The following DLG2 variants were observed in gnomAD, a reference collection of about 807,000 sequenced individuals.
DLG2 encodes the protein discs large MAGUK scaffold protein 2, also known as disks large homolog 2.
DLG2 carries 45 observed loss-of-function variants against 132.5 expected under a neutral mutation model. The ratio of observed to expected loss-of-function variants is 0.34; its 90% CI spans 0.27 to 0.44. DLG2 has a LOEUF of 0.44. Ranked by LOEUF, DLG2 falls within the 20% of genes least tolerant of loss-of-function variation. The pLI, the probability that DLG2 is intolerant of heterozygous loss-of-function variation, is 1.00. For synonymous variants in DLG2, 424 were observed against 419.6 expected (o/e 1.01, Z -0.13); for missense variants, 1,045 against 1,196.9 (o/e 0.87, Z 1.87).
At chr11:84,367,282 G>T (rs942628156) in intron 7 of DLG2, among the ~76,000 whole-genome samples, 1 of 152,120 alleles carries the variant, frequency 6.6e-6, no homozygotes, top group Non-Finnish European at 1.5e-5. Flanking sequence ...GGCTTTGCAA[G>T]CCATGTGATC....
chr11:84,938,007 G>C (rs1422630055), intron 6 of DLG2, among the ~76,000 whole-genome samples: 1 of 152,152 alleles, frequency 6.6e-6, no homozygotes, highest in Admixed American at 6.5e-5. Flanking sequence ...ATCCAAGTCA[G>C]CTCAGTCCTC....
chr11:83,794,437 G>GTTTTTTTTTTTTTTTTTTTTTTTTTTTT (rs200672667), intron 17 of DLG2, among the ~76,000 whole-genome samples: 1 of 127,498 alleles, frequency 7.8e-6, no homozygotes, highest in Non-Finnish European at 1.7e-5. Context: ...TTTACTATTG[G>GTTTTTTTTTTTTTTTTTTTTTTTTTTTT]TTTTTTTTTT....
At chr11:84,079,108 G>A (rs548109855) in intron 10 of DLG2, among the ~76,000 whole-genome samples, 2 of 152,168 alleles carry the variant, frequency 1.3e-5, no homozygotes, top group East Asian at 1.9e-4. Flanking sequence ...TTATTTGAAG[G>A]AATACCACTT....
chr11:83,952,847 A>T (rs1204865575), intron 14 of DLG2, among the ~76,000 whole-genome samples: 3 of 152,142 alleles, frequency 2.0e-5, no homozygotes, highest in African/African-American at 7.2e-5. Flanking sequence ...TTTTTATTTT[A>T]CAGTTTTTCT....
intron 18 of DLG2, among the ~76,000 whole-genome samples, chr11:83,720,054 A>G (rs963685873): frequency 6.6e-6 from 1 of 152,030 alleles, no homozygotes; most frequent in Non-Finnish European, 1.5e-5. Flanking sequence ...GCACTTTGGG[A>G]GGCCGAGGTG....
At chr11:83,753,802 C>CAG (rs1359406706) in intron 18 of DLG2, among the ~76,000 whole-genome samples, 1 of 111,406 alleles carries the variant, frequency 9.0e-6, no homozygotes, top group East Asian at 2.3e-4. Flanking sequence ...TATGATATAT[C>CAG]ATATATATCA....
chr11:85,619,849 A>G (rs2081582533), intron 2 of DLG2, among the ~76,000 whole-genome samples: 1 of 152,178 alleles, frequency 6.6e-6, no homozygotes. Context: ...AAAAAAGACA[A>G]GCTCTCCATA....
chr11:84,271,949 CAAAAAAA>C (rs71036417), intron 7 of DLG2, among the ~76,000 whole-genome samples: 2 of 77,792 alleles, frequency 2.6e-5, no homozygotes, highest in African/African-American at 4.5e-5. Context: ...TTGATAATAA[CAAAAAAA>C]AAAAAAAAAA....
chr11:85,428,247 G>C (rs1225974432), intron 3 of DLG2, among the ~76,000 whole-genome samples: 3 of 152,092 alleles, frequency 2.0e-5, no homozygotes, highest in Non-Finnish European at 2.9e-5. Flanking sequence ...GGATATCCAG[G>C]AATTCAACTC....
chr11:83,822,102 C>T (rs1267778187), intron 17 of DLG2, among the ~76,000 whole-genome samples: 1 of 152,080 alleles, frequency 6.6e-6, no homozygotes, highest in African/African-American at 2.4e-5. Flanking sequence ...ACCTAGAGTC[C>T]AGTCCTTTTA....
chr11:85,266,619 AG>A (rs2077229539), intron 4 of DLG2, among the ~76,000 whole-genome samples: 2 of 151,888 alleles, frequency 1.3e-5, no homozygotes, highest in Admixed American at 6.5e-5. Flanking sequence ...TTAAAAAAAA[AG>A]AAAGAAAGAA....
At chr11:85,310,156 C>A (rs759218948) in intron 3 of DLG2, among the ~76,000 whole-genome samples, 2 of 152,128 alleles carry the variant, frequency 1.3e-5, no homozygotes, top group Admixed American at 1.3e-4. Context: ...ATACAAATCA[C>A]CCTAGAATAG....
At chr11:85,523,840 C>T (rs1045546143) in intron 3 of DLG2, among the ~76,000 whole-genome samples, 1 of 152,078 alleles carries the variant, frequency 6.6e-6, no homozygotes, top group Admixed American at 6.6e-5. Context: ...AAGTGTCCCT[C>T]AACAGATGAA....
intron 15 of DLG2, among the ~76,000 whole-genome samples, chr11:83,881,019 AAAGT>A (rs1388673289): frequency 2.8e-5 from 4 of 142,584 alleles, no homozygotes; most frequent in Admixed American, 1.4e-4. Context: ...AGTTGGTGCA[AAAGT>A]AATAGTGGTT....
At chr11:84,063,116 A>G (rs1413085824) in intron 10 of DLG2, among the ~76,000 whole-genome samples, 1 of 152,160 alleles carries the variant, frequency 6.6e-6, no homozygotes, top group East Asian at 1.9e-4. Context: ...TCTCTAAAAA[A>G]CAAAATGTTG....
intron 9 of DLG2, among the ~76,000 whole-genome samples, chr11:84,155,597 TTGGGTA>T (rs2095412702): frequency 6.6e-6 from 1 of 151,810 alleles, no homozygotes; most frequent in South Asian, 2.1e-4. Context: ...GGCAGATGTC[TTGGGTA>T]TGGGGCCACT....
chr11:85,340,893 T>C (rs2082446771), intron 3 of DLG2, among the ~76,000 whole-genome samples: 1 of 152,186 alleles, frequency 6.6e-6, no homozygotes, highest in Admixed American at 6.5e-5. Context: ...AGGATTTCAT[T>C]TCTTATATTT....
chr11:83,482,804 C>CAATT, intron 22 of DLG2, among the ~76,000 whole-genome samples: 1 of 152,226 alleles, frequency 6.6e-6, no homozygotes, highest in Non-Finnish European at 1.5e-5. Context: ...AAGTGCAACC[C>CAATT]AATTATGAGA....
At chr11:85,365,124 A>G (rs570717125) in intron 3 of DLG2, among the ~76,000 whole-genome samples, 1 of 152,276 alleles carries the variant, frequency 6.6e-6, no homozygotes, top group Middle Eastern at 3.4e-3. Context: ...TGTTGTTTAT[A>G]AAAATCTAAC....
Sources: allele counts gnomAD v4.1 joint callset (sites outside exome capture counted in the v4.1 genomes callset), GRCh38; gene constraint gnomAD v4.1.1; transcripts MANE v1.5; gene names NCBI Gene and HGNC (gene_info 2026-07-23, HGNC 2026-07-21).